The following ETS1 variants were observed in gnomAD, a reference collection of about 807,000 sequenced individuals.
The protein encoded by ETS1 is ETS proto-oncogene 1, transcription factor.
Under a neutral mutation model 58.6 loss-of-function variants are expected in ETS1, and 15 were observed. That is an observed-to-expected ratio of 0.26 (90% CI 0.17 to 0.39). The LOEUF is 0.39. ETS1 is among the 10% of genes least tolerant of loss of function. The pLI, the probability that ETS1 is intolerant of heterozygous loss-of-function variation, is 1.00. For missense variants in ETS1, 417 were observed against 610.5 expected (o/e 0.68, Z 3.34); for synonymous variants, 214 against 218.2 (o/e 0.98, Z 0.17).
chr11:128,517,368 C>G (rs1239290130), intron 3 of ETS1, among the ~76,000 whole-genome samples: 2 of 152,252 alleles, frequency 1.3e-5, no homozygotes, highest in Admixed American at 6.5e-5. Context: ...TTCTAAATTT[C>G]TAGAGTGTGG....
chr11:128,510,904 G>C (rs1863375570), intron 3 of ETS1, among the ~76,000 whole-genome samples: 1 of 152,238 alleles, frequency 6.6e-6, no homozygotes, highest in South Asian at 2.1e-4. Flanking sequence ...GGTCCGGCCA[G>C]AGGGGCTTAC....
At chr11:128,528,030 C>T (rs144131940) in intron 3 of ETS1, among the ~76,000 whole-genome samples, 43 of 152,060 alleles carry the variant, frequency 2.8e-4, no homozygotes, top group Non-Finnish European at 2.5e-4. Flanking sequence ...GGAAAAGGGA[C>T]GGTGGTACAG....
chr11:128,498,899 CAT>C (rs1413135032), intron 3 of ETS1, among the ~76,000 whole-genome samples: 2 of 152,218 alleles, frequency 1.3e-5, no homozygotes, highest in African/African-American at 2.4e-5. Context: ...ACTCCCACCA[CAT>C]GACATACTTT....
At chr11:128,550,527 G>A (rs1864212596) in intron 3 of ETS1, among the ~76,000 whole-genome samples, 1 of 152,158 alleles carries the variant, frequency 6.6e-6, no homozygotes, top group African/African-American at 2.4e-5. Flanking sequence ...GGGCTAGGCT[G>A]GCCTTGCTTT....
intron 3 of ETS1, among the ~76,000 whole-genome samples, chr11:128,494,719 C>T (rs1284820688): frequency 1.3e-5 from 2 of 152,154 alleles, no homozygotes; most frequent in East Asian, 3.8e-4. Flanking sequence ...AGAATCTAAA[C>T]ACTAGGTGGC....
intron 3 of ETS1, among the ~76,000 whole-genome samples, chr11:128,506,202 G>A (rs1863226513): frequency 6.6e-6 from 1 of 152,154 alleles, no homozygotes; most frequent in Non-Finnish European, 1.5e-5. Flanking sequence ...ATTAGACGTT[G>A]ATGATGATGG....
chr11:128,585,315 A>AGAAGGAAGGAAGGAAGGAAGGAAGGAAG lies in ETS1; in HGVS notation c.-15+2172_-15+2173insCTTCCTTCCTTCCTTCCTTCCTTCCTTC, dbSNP rs201286074. Reference sequence around the variant, plus strand: ...GATAGAAAGGGAGGGAAGGGAGGGAAGAAGGAAGGAAGGAAGCAAGGAAGG... The same window carrying AGAAGGAAGGAAGGAAGGAAGGAAGGAAG: ...GATAGAAAGGGAGGGAAGGGAGGGAAGAAGGAAGGAAGGAAGGAAGGAAGGAAGGAAGGAAGGAAGGAAGCAAGGAAGG... On this transcript the variant is annotated intron_variant, in intron 1 of 9. Transcript: ENST00000392668. 1.7e-3 allele frequency among the ~76,000 whole-genome samples: 231 copies of AGAAGGAAGGAAGGAAGGAAGGAAGGAAG among 136,470 alleles called. 5 individuals carry two copies. The highest frequency in any genetic ancestry group is 6.3e-3 in the African/African-American group (225 of 35,678). The allele number at this position is 136,470 out of a possible 152,430, so 89.5% of individuals were successfully genotyped here.
chr11:128,546,659 A>AT (rs1014186870), intron 3 of ETS1, among the ~76,000 whole-genome samples: 53 of 150,688 alleles, frequency 3.5e-4, no homozygotes, highest in East Asian at 2.3e-3. Context: ...TTTAAAAAAA[A>AT]TTTTTTTTTT....
chr11:128,503,213 A>C (rs1195920368), intron 3 of ETS1, among the ~76,000 whole-genome samples: 5 of 152,228 alleles, frequency 3.3e-5, no homozygotes, highest in Non-Finnish European at 5.9e-5. Flanking sequence ...TTTTACAGAC[A>C]ACATCCCAGA....
In ETS1 at chr11:128,587,532, C is replaced by T. The variant is rs890956681; in HGVS notation, c.-59G>A. Reference sequence around the variant, plus strand: ...GAGAGCAGATCCTGAGTGAGCTTCCCTCAAAGTCTGTGGTCTCTTTCCAAC... The same window carrying T: ...GAGAGCAGATCCTGAGTGAGCTTCCTTCAAAGTCTGTGGTCTCTTTCCAAC... On this transcript the variant is annotated 5_prime_UTR_variant, in exon 1 of 10. Transcript: ENST00000392668. 5 of 152,374 alleles carry T rather than the reference C, an allele frequency of 3.3e-5. No homozygotes were observed. Among genetic ancestry groups the T allele is most frequent in the Admixed American group, 3.3e-4 (5 of 15,284 alleles). 9.4% of individuals were successfully genotyped at this position (152,374 alleles called of 1,614,324 possible).
intron 1 of ETS1, among the ~76,000 whole-genome samples, chr11:128,585,189 GGAAGGAAAGA>G (rs1864996364): frequency 8.2e-5 from 1 of 12,196 alleles, no homozygotes; most frequent in Non-Finnish European, 1.4e-4. Context: ...AAAGAAAGAA[GGAAGGAAAGA>G]AAGAAAGAAA....
chr11:128,469,494 C>T (rs1213363430), intron 8 of ETS1, among the ~76,000 whole-genome samples: 1 of 152,232 alleles, frequency 6.6e-6, no homozygotes, highest in Non-Finnish European at 1.5e-5. Context: ...GGACGCACCT[C>T]TGAGGGTGGG....
rs1862458287 is a variant in ETS1 at position 128,480,590 on chromosome 11, G to A, written c.863-139C>T. Reference sequence around the variant, plus strand: ...GACGGAAGAAGGGAGAGGCGAGTGGGAACAGAAGCTTCAGGGGTCATGGGT... The same window carrying A: ...GACGGAAGAAGGGAGAGGCGAGTGGAAACAGAAGCTTCAGGGGTCATGGGT... On this transcript the variant is annotated intron_variant, in intron 7 of 9. Transcript: ENST00000392668. 7.8e-6 allele frequency: 5 copies of A among 641,458 alleles called. No homozygotes were observed. In the East Asian group the frequency reaches 1.1e-4, roughly 14 times the overall value. 39.7% of individuals were successfully genotyped at this position (641,458 alleles called of 1,614,324 possible). A position where few individuals can be genotyped will look rare whatever the true frequency, so the allele number is the denominator to read the frequency against.
rs144560482 is a variant in ETS1 at position 128,497,663 on chromosome 11, C to T, written c.215-7087G>A. ...GAAAGCAGTTGTAATTCGGCAGCGC[C>T]GGAGTTCAGACCTGCCAGACAAAAG... On this transcript the variant is annotated intron_variant, in intron 3 of 9. Transcript: ENST00000392668. 7.8e-4 allele frequency: 665 copies of T among 847,444 alleles called. 1 individual carries two copies. The Middle Eastern group carries it at 8.4e-3, about 11-fold the overall frequency. 52.5% of individuals were successfully genotyped at this position (847,444 alleles called of 1,614,324 possible). A position where few individuals can be genotyped will look rare whatever the true frequency, so the allele number is the denominator to read the frequency against.
chr11:128,470,918 G>A lies in ETS1; in HGVS notation c.1124-7291C>T, dbSNP rs577593532. On this transcript the variant is annotated intron_variant, in intron 8 of 9. Transcript: ENST00000392668. ...TTGTTCCCATGTTAAAAGTGCACAC[G>A]CACCAAAAGAGACAGCAGATGCAAA... Among the ~76,000 whole-genome samples the A allele has an allele frequency of 9.8e-5, 15 of 152,290 alleles. No homozygotes were observed. In the East Asian group the frequency reaches 1.3e-3, roughly 14 times the overall value.
At chr11:128,552,525 T>G (rs940800201) in intron 3 of ETS1, among the ~76,000 whole-genome samples, 1 of 152,240 alleles carries the variant, frequency 6.6e-6, no homozygotes, top group Admixed American at 6.5e-5. Context: ...AAGTGTACTT[T>G]GCTCACAACA....
intron 1 of ETS1, among the ~76,000 whole-genome samples, chr11:128,585,328 GAAGCAAGGAAGGAAGGAAGC>G (rs1865010565): frequency 7.3e-6 from 1 of 137,164 alleles, no homozygotes; most frequent in African/African-American, 2.8e-5. Context: ...AGGAAGGAAG[GAAGCAAGGAAGGAAGGAAGC>G]AAGGAAGGAA....
chr11:128,585,074 AAGAG>A (rs549358666), intron 1 of ETS1, among the ~76,000 whole-genome samples: 614 of 13,340 alleles, frequency 0.046, 45 homozygotes, highest in East Asian at 0.051. Flanking sequence ...GAAAGAAAGA[AAGAG>A]AAAGAAAGAA....
intron 3 of ETS1, among the ~76,000 whole-genome samples, chr11:128,547,317 G>A (rs1864147830): frequency 6.6e-6 from 1 of 152,160 alleles, no homozygotes; most frequent in African/African-American, 2.4e-5. Context: ...ACAACTTTGA[G>A]AATCAGAGGA....
Sources: allele counts gnomAD v4.1 joint callset (sites outside exome capture counted in the v4.1 genomes callset), GRCh38; gene constraint gnomAD v4.1.1; transcripts MANE v1.5; gene names NCBI Gene and HGNC (gene_info 2026-07-23, HGNC 2026-07-21).